Variants in NCOR2 observed in about 807,000 individuals in gnomAD.
The protein encoded by NCOR2 is nuclear receptor corepressor 2, also known as CTG repeat protein 26.
In NCOR2, 81 loss-of-function variants were observed where a neutral mutation model predicts 262.9. The observed-to-expected ratio is 0.31, with a 90% CI of 0.26 to 0.37. The LOEUF (loss-of-function observed/expected upper bound fraction) is 0.37. Ranked by LOEUF, NCOR2 falls within the 10% of genes least tolerant of loss-of-function variation. NCOR2 has a pLI of 1.00. For synonymous variants in NCOR2, 1,659 were observed against 1,559.3 expected (o/e 1.06, Z -1.51); for missense variants, 3,385 against 3,621.4 (o/e 0.93, Z 1.68).
intron 4 of NCOR2, among the ~76,000 whole-genome samples, chr12:124,468,336 ATCCTCC>A (rs1344587301): frequency 3.0e-5 from 1 of 33,044 alleles, no homozygotes; most frequent in Non-Finnish European, 6.0e-5. Context: ...CATCATCCTC[ATCCTCC>A]TCACCCCCAT....
chr12:124,502,142 CG>C (rs1330393765), intron 1 of NCOR2, among the ~76,000 whole-genome samples: 3 of 152,164 alleles, frequency 2.0e-5, no homozygotes, highest in African/African-American at 7.2e-5. Flanking sequence ...TCCTGAGATG[CG>C]GAAAGCCGGT....
intron 5 of NCOR2, among the ~76,000 whole-genome samples, chr12:124,460,713 C>T (rs1203703414): frequency 1.3e-5 from 2 of 152,202 alleles, no homozygotes; most frequent in African/African-American, 2.4e-5. Flanking sequence ...AACTGAGGCT[C>T]GGAGAGGACA....
chr12:124,408,230 TGTA>T (rs1343749774), intron 13 of NCOR2, among the ~76,000 whole-genome samples: 8 of 152,084 alleles, frequency 5.3e-5, no homozygotes, highest in Non-Finnish European at 2.9e-5. Flanking sequence ...GGCGGGCGCC[TGTA>T]GTCCCAGCTA....
intron 1 of NCOR2, among the ~76,000 whole-genome samples, chr12:124,559,052 C>T (rs554710736): frequency 6.6e-6 from 1 of 152,288 alleles, no homozygotes; most frequent in South Asian, 2.1e-4. Flanking sequence ...AGACTGACCC[C>T]CAGGAGCCAC....
intron 1 of NCOR2, among the ~76,000 whole-genome samples, chr12:124,534,273 A>C (rs937841721): frequency 6.6e-6 from 1 of 152,192 alleles, no homozygotes; most frequent in South Asian, 2.1e-4. Flanking sequence ...CCTGGCCAAC[A>C]TGGCGAAACC....
chr12:124,560,470 T>C (rs2052031604), intron 1 of NCOR2, among the ~76,000 whole-genome samples: 1 of 152,260 alleles, frequency 6.6e-6, no homozygotes, highest in Admixed American at 6.5e-5. Context: ...TTGTGCACCA[T>C]ACAGAAACAG....
chr12:124,325,254 G>T, exon 47 of NCOR2: 1 of 480,370 alleles, frequency 2.1e-6, no homozygotes, highest in Non-Finnish European at 3.5e-6. Flanking sequence ...CAAGGATGCC[G>T]GCTCTGGACG....
At chr12:124,535,802 C>T (rs553148307), upstream of NCOR2, among the ~76,000 whole-genome samples, 12 of 152,270 alleles carry the variant, frequency 7.9e-5, no homozygotes, top group East Asian at 2.1e-3. Context: ...GGGAGACTGA[C>T]GCTCAGACAA....
chr12:124,399,109 A>G (rs1337364317), intron 15 of NCOR2, among the ~76,000 whole-genome samples: 3 of 151,996 alleles, frequency 2.0e-5, no homozygotes, highest in Non-Finnish European at 4.4e-5. Flanking sequence ...GGAGTGGCGG[A>G]AGGTTCCAGC....
chr12:124,493,080 C>T (rs1340333498), intron 1 of NCOR2, among the ~76,000 whole-genome samples: 1 of 152,246 alleles, frequency 6.6e-6, no homozygotes, highest in Admixed American at 6.5e-5. Flanking sequence ...GCGGTGAGCG[C>T]TTGGCCCTGT....
rs1046857069 is a variant in NCOR2 at position 124,566,349 on chromosome 12, C to T, written c.-165+959G>A. Reference sequence around the variant, plus strand: ...GACACTCGCTTCCAAAAAAATAAACCTACAATGTAAAAATAACGCCGGGCG... The same window carrying T: ...GACACTCGCTTCCAAAAAAATAAACTTACAATGTAAAAATAACGCCGGGCG... On this transcript the variant is annotated intron_variant, in intron 1 of 32. Transcript: ENST00000458234. This position sits in a 1 kb window ranked among gnomAD's most constrained non-coding sequence, Gnocchi z 4.3. Among the ~76,000 whole-genome samples the T allele has an allele frequency of 2.0e-5, 3 of 152,200 alleles. No individual in the cohort carries two copies. Among genetic ancestry groups the T allele is most frequent in the Admixed American group, 6.5e-5 (1 of 15,282 alleles).
chr12:124,547,202 A>G (rs770125511), intron 1 of NCOR2, among the ~76,000 whole-genome samples: 3 of 152,024 alleles, frequency 2.0e-5, no homozygotes, highest in Non-Finnish European at 4.4e-5. Flanking sequence ...CATGTTGGCC[A>G]GGCTGGTCTC....
upstream of NCOR2, among the ~76,000 whole-genome samples, chr12:124,497,663 G>A (rs138254300): frequency 5.6e-3 from 847 of 152,296 alleles, 4 homozygotes; most frequent in Non-Finnish European, 7.4e-3. This position sits in a 1 kb window ranked among gnomAD's most constrained non-coding sequence, Gnocchi z 4.2. Context: ...TGCATATTCC[G>A]ACTGCCTAAG....
chr12:124,483,744 G>C lies in NCOR2; in HGVS notation c.263C>G (p.Ser88Cys), dbSNP rs2047621979. The change falls in exon 3 of 47, where the codon TCC becomes TGC. Residue 88 changes from serine (S) to cysteine (C), a missense_variant. Ser to Cys is a moderately radical substitution (Grantham distance 112, BLOSUM62 -1). Transcript: ENST00000405201. This position sits in a 1 kb window ranked among gnomAD's most constrained non-coding sequence, Gnocchi z 6.3. ...CCCCAGCTCGGGCAGGTATGAGTGG[G>C]ACTCTGGCCGCAGGTGGAGCTCCTG... 1 of 1,609,042 alleles carries C rather than the reference G, an allele frequency of 6.2e-7. No individual in the cohort carries two copies. Among genetic ancestry groups the C allele is most frequent in the South Asian group, 1.1e-5 (1 of 90,152 alleles).
At chr12:124,515,767 CGT>C (rs1566016702) in intron 1 of NCOR2, among the ~76,000 whole-genome samples, 1 of 151,526 alleles carries the variant, frequency 6.6e-6, no homozygotes, top group East Asian at 1.9e-4. Flanking sequence ...TGGGTGTGTG[CGT>C]GAGTGTGCAT....
rs1485095683 is a variant in NCOR2, at chr12:124,389,520, C to T, written c.1877-3633G>A. Among the ~76,000 whole-genome samples the T allele has an allele frequency of 6.6e-6, 1 of 152,200 alleles. No individual in the cohort carries two copies. The highest frequency in any genetic ancestry group is 2.4e-5 in the African/African-American group (1 of 41,462). ...AAAAACAGAGCTTCTCCACCCCCGG[C>T]AGACAGGGAGCAAACAGCTTCTTCC... On this transcript the variant is annotated intron_variant, in intron 16 of 46. Coordinates refer to ENST00000405201, the Ensembl canonical transcript of NCOR2. The surrounding 1 kb of genome is among the most constrained non-coding windows in gnomAD (Gnocchi z 4.4).
intron 13 of NCOR2, among the ~76,000 whole-genome samples, chr12:124,408,075 C>T (rs558215976): frequency 1.1e-4 from 16 of 152,046 alleles, no homozygotes; most frequent in Middle Eastern, 3.4e-3. Flanking sequence ...CAAGGCGTGG[C>T]GGGGCGCGGT....
At chr12:124,332,513 T>C (rs1193140454) in intron 42 of NCOR2, 46 bp from the exon 45 acceptor site, 1 of 1,612,560 alleles carries the variant, frequency 6.2e-7, no homozygotes, top group African/African-American at 1.3e-5. Flanking sequence ...GTGCCGAGCT[T>C]GCATGCCTTT....
chr12:124,463,385 T>C, intron 5 of NCOR2, among the ~76,000 whole-genome samples: 1 of 152,174 alleles, frequency 6.6e-6, no homozygotes, highest in East Asian at 1.9e-4. Context: ...GCTTCTGCCC[T>C]CCTGGGCCCA....
Sources: gnomAD v4.1 joint callset for allele counts (sites outside exome capture counted in the v4.1 genomes callset) on GRCh38, gnomAD v4.1.1 for gene constraint, Gnocchi (gnomAD v3.1) non-coding constraint, MANE v1.5 for transcripts, NCBI Gene and HGNC (gene_info 2026-07-23, HGNC 2026-07-21) for gene names.